DYM: variants seen among roughly 807,000 people sequenced by gnomAD.
DYM encodes the protein dyggve-Melchior-Clausen syndrome protein.
In DYM, 78 loss-of-function variants were observed where a neutral mutation model predicts 93.1. The observed-to-expected ratio is 0.84, with a 90% CI of 0.70 to 1.01. DYM has a LOEUF of 1.01. Ranked by LOEUF, DYM falls within the 50% of genes least tolerant of loss-of-function variation. DYM has a pLI of 0.00. For missense variants in DYM, 789 were observed against 845.0 expected (o/e 0.93, Z 0.82); for synonymous variants, 321 against 319.7 (o/e 1.00, Z -0.04).
rs184900955 is a variant in DYM at position 49,137,516 on chromosome 18, C to T, written c.1729-18590G>A. On this transcript the variant is annotated intron_variant, in intron 15 of 17. Coordinates refer to ENST00000675505, the MANE Select transcript of DYM (RefSeq NM_001353214.3). ...AAATGCTACAGAAATGTATAATCAA[C>T]CATGTTGATTAAGACTGAATTTTTG... Among the ~76,000 whole-genome samples the T allele has an allele frequency of 1.4e-3, 216 of 152,174 alleles. 3 individuals carry two copies. The highest frequency in any genetic ancestry group is 7.1e-4 in the Non-Finnish European group (48 of 67,974).
At chr18:49,450,598 A>G (rs113106952) in intron 1 of DYM, among the ~76,000 whole-genome samples, 13,895 of 152,270 alleles carry the variant, frequency 0.091, 855 homozygotes, top group East Asian at 0.31. Context: ...ATTGTTCAGA[A>G]GGCCCCTGAA....
chr18:49,256,222 C>A (rs894374875), intron 13 of DYM, among the ~76,000 whole-genome samples: 3 of 152,004 alleles, frequency 2.0e-5, no homozygotes, highest in African/African-American at 7.3e-5. Flanking sequence ...CCTTACATGG[C>A]AAAAGCGACC....
At chr18:49,288,643 G>C (rs1202335590) in intron 8 of DYM, among the ~76,000 whole-genome samples, 2 of 151,964 alleles carry the variant, frequency 1.3e-5, no homozygotes, top group African/African-American at 4.8e-5. Flanking sequence ...GCCAGGTGTG[G>C]TGGTACATGC....
At chr18:49,137,935 T>C (rs1287192821) in intron 15 of DYM, among the ~76,000 whole-genome samples, 4 of 152,202 alleles carry the variant, frequency 2.6e-5, no homozygotes, top group East Asian at 1.9e-4. Flanking sequence ...TCAGTTAAAA[T>C]AGTTCTAAAA....
intron 6 of DYM, among the ~76,000 whole-genome samples, chr18:49,343,460 G>T (rs538023376): frequency 1.3e-5 from 2 of 152,166 alleles, no homozygotes; most frequent in Non-Finnish European, 2.9e-5. Flanking sequence ...TTCACAAGAA[G>T]CCCTCCCTTA....
chr18:49,112,783 C>T (rs1232318012), intron 16 of DYM, among the ~76,000 whole-genome samples: 1 of 152,174 alleles, frequency 6.6e-6, no homozygotes, highest in African/African-American at 2.4e-5. Context: ...CCCTCATTAT[C>T]ACAGAATGTT....
chr18:49,252,481 C>A (rs755898699), intron 13 of DYM, among the ~76,000 whole-genome samples: 1 of 152,004 alleles, frequency 6.6e-6, no homozygotes, highest in Non-Finnish European at 1.5e-5. Context: ...AGGGAAACTG[C>A]CCCCATGATT....
chr18:49,201,523 A>T (rs2091988690), intron 14 of DYM, among the ~76,000 whole-genome samples: 1 of 152,228 alleles, frequency 6.6e-6, no homozygotes, highest in African/African-American at 2.4e-5. Flanking sequence ...GGGCTACCAA[A>T]ATCATACACA....
At chr18:49,294,730 T>C (rs1345749644) in intron 8 of DYM, among the ~76,000 whole-genome samples, 1 of 152,154 alleles carries the variant, frequency 6.6e-6, no homozygotes, top group African/African-American at 2.4e-5. Context: ...TGCTAAACTA[T>C]AAATGATTTC....
At chr18:49,128,715 A>C (rs1221601278) in intron 15 of DYM, among the ~76,000 whole-genome samples, 1 of 152,216 alleles carries the variant, frequency 6.6e-6, no homozygotes, top group Admixed American at 6.5e-5. Flanking sequence ...ATAACCAAAA[A>C]ATGTAATTAA....
chr18:49,047,181 G>A (rs833523), intron 17 of DYM, among the ~76,000 whole-genome samples: 22,592 of 152,084 alleles, frequency 0.15, 2,435 homozygotes, highest in Admixed American at 0.32. Context: ...ATAAATAGAC[G>A]CCAAGCTCTA....
chr18:49,441,750 C>T (rs190518713), intron 1 of DYM, among the ~76,000 whole-genome samples: 1 of 152,042 alleles, frequency 6.6e-6, no homozygotes, highest in East Asian at 1.9e-4. Context: ...AGAAGGAAGG[C>T]AATTCACCCC....
chr18:49,243,935 T>C (rs569438203), intron 13 of DYM, among the ~76,000 whole-genome samples: 10 of 152,182 alleles, frequency 6.6e-5, no homozygotes, highest in Non-Finnish European at 1.2e-4. Flanking sequence ...CAGTAAAGAA[T>C]AGACAAATAC....
chr18:49,325,481 CA>C (rs2062816980), intron 8 of DYM, among the ~76,000 whole-genome samples: 3 of 152,082 alleles, frequency 2.0e-5, no homozygotes, highest in African/African-American at 7.2e-5. Flanking sequence ...CAAAAAGCCC[CA>C]AAATATAGGT....
chr18:49,413,378 A>G (rs1382906547), intron 2 of DYM, among the ~76,000 whole-genome samples: 2 of 152,348 alleles, frequency 1.3e-5, no homozygotes, highest in South Asian at 4.1e-4. Context: ...AGCATCTGAC[A>G]AACAGTGAGC....
At chr18:49,066,556 C>T (rs1363776468) in intron 17 of DYM, among the ~76,000 whole-genome samples, 1 of 150,346 alleles carries the variant, frequency 6.7e-6, no homozygotes, top group Non-Finnish European at 1.5e-5. Context: ...CTGTTATGAA[C>T]AATTGTGCTA....
chr18:49,445,523 G>C (rs12604984), intron 1 of DYM, among the ~76,000 whole-genome samples: 13,892 of 151,750 alleles, frequency 0.092, 857 homozygotes, highest in East Asian at 0.31. Flanking sequence ...AAGAACAAGA[G>C]GACAAATAAG....
chr18:49,286,287 A>C, intron 9 of DYM, 147 bp downstream of exon 9: 1 of 881,480 alleles, frequency 1.1e-6, no homozygotes, highest in Non-Finnish European at 1.9e-6. Context: ...GATAATATTG[A>C]CAGGAAAAGC....
At chr18:49,291,581 T>C (rs142872450) in intron 8 of DYM, among the ~76,000 whole-genome samples, 60 of 152,316 alleles carry the variant, frequency 3.9e-4, no homozygotes, top group African/African-American at 9.1e-4. Flanking sequence ...ATTTTCAGTA[T>C]AGGTATAAGC....
Sources: allele counts gnomAD v4.1 joint callset (sites outside exome capture counted in the v4.1 genomes callset), GRCh38; gene constraint gnomAD v4.1.1; transcripts MANE v1.5; gene names NCBI Gene and HGNC (gene_info 2026-07-23, HGNC 2026-07-21).